IMMP2L: variants seen among roughly 807,000 people sequenced by gnomAD.
The protein encoded by IMMP2L is mitochondrial inner membrane protease subunit 2.
In IMMP2L, 18 loss-of-function variants were observed where a neutral mutation model predicts 19.3. The observed-to-expected ratio is 0.93, with a 90% CI of 0.64 to 1.38. The LOEUF is 1.38. Ranked by LOEUF, IMMP2L falls within the 40% of genes most tolerant of loss-of-function variation. IMMP2L has a pLI of 0.00. For synonymous variants in IMMP2L, 76 were observed against 73.0 expected (o/e 1.04, Z -0.21); for missense variants, 233 against 218.2 (o/e 1.07, Z -0.43).
chr7:111,121,934 T>C (rs1325372455), intron 3 of IMMP2L, among the ~76,000 whole-genome samples: 5 of 152,078 alleles, frequency 3.3e-5, no homozygotes, highest in Non-Finnish European at 5.9e-5. Flanking sequence ...TGTAGGGACA[T>C]GGATGAAGCT....
At chr7:111,147,457 G>A (rs1483092295) in intron 3 of IMMP2L, among the ~76,000 whole-genome samples, 1 of 152,114 alleles carries the variant, frequency 6.6e-6, no homozygotes, top group Non-Finnish European at 1.5e-5. Flanking sequence ...TAAACTGGAA[G>A]GGTTACATCA....
intron 5 of IMMP2L, among the ~76,000 whole-genome samples, chr7:110,682,118 A>G (rs1792764209): frequency 6.6e-6 from 1 of 152,076 alleles, no homozygotes; most frequent in Non-Finnish European, 1.5e-5. Context: ...AATCACTCTT[A>G]TGCCTCCTTG....
chr7:110,757,334 C>G lies in IMMP2L; in HGVS notation c.409-93613G>C, dbSNP rs938088750. On this transcript the variant is annotated intron_variant, in intron 5 of 5. Transcript: ENST00000405709. The surrounding 1 kb of genome is among the most constrained non-coding windows in gnomAD (Gnocchi z 4.2). ...TAGAGCTTAATAATTTTTTAACAAG[C>G]TATTCTGCATTTTCATTTTGCACTG... is the stretch of plus-strand genomic sequence containing the variant. Among the ~76,000 whole-genome samples, 6 of 151,898 alleles carry G rather than the reference C, an allele frequency of 4.0e-5. No individual in the cohort carries two copies. Among genetic ancestry groups the G allele is most frequent in the Non-Finnish European group, 5.9e-5 (4 of 67,976 alleles).
chr7:111,016,515 TATTA>T (rs1450548844), intron 3 of IMMP2L, among the ~76,000 whole-genome samples: 1 of 119,948 alleles, frequency 8.3e-6, no homozygotes, highest in Non-Finnish European at 1.6e-5. Flanking sequence ...ATGTATTTTA[TATTA>T]TATATGTATA....
chr7:111,524,036 G>A (rs1260195542), intron 1 of IMMP2L, among the ~76,000 whole-genome samples: 1 of 151,814 alleles, frequency 6.6e-6, no homozygotes, highest in African/African-American at 2.4e-5. Context: ...CATTTATCAT[G>A]TACTACCTCC....
intron 5 of IMMP2L, among the ~76,000 whole-genome samples, chr7:110,860,968 T>C (rs1399904712): frequency 1.3e-5 from 2 of 149,606 alleles, no homozygotes; most frequent in East Asian, 2.0e-4. Context: ...TATTCAAAAA[T>C]ACTAATGTCA....
At chr7:111,078,763 C>A (rs527293558) in intron 3 of IMMP2L, among the ~76,000 whole-genome samples, 1 of 151,958 alleles carries the variant, frequency 6.6e-6, no homozygotes, top group Non-Finnish European at 1.5e-5. Flanking sequence ...TGGAATCTTG[C>A]TCTGTCACCC....
chr7:110,749,425 A>G (rs1584713535), intron 5 of IMMP2L, among the ~76,000 whole-genome samples: 1 of 152,212 alleles, frequency 6.6e-6, no homozygotes, highest in Middle Eastern at 3.4e-3. Flanking sequence ...AAATCATTAT[A>G]CTATAAAGAC....
chr7:110,699,142 T>C (rs957435), intron 5 of IMMP2L, among the ~76,000 whole-genome samples: 1 of 152,292 alleles, frequency 6.6e-6, no homozygotes, highest in Non-Finnish European at 1.5e-5. Context: ...ATAACTCCTC[T>C]ACCTATTCTT....
chr7:110,822,337 C>T (rs752227060), intron 5 of IMMP2L, among the ~76,000 whole-genome samples: 3 of 152,070 alleles, frequency 2.0e-5, no homozygotes, highest in Admixed American at 6.6e-5. Flanking sequence ...ATAAAAGATC[C>T]TCTGTGATTG....
intron 4 of IMMP2L, among the ~76,000 whole-genome samples, chr7:110,919,844 A>C (rs1814058254): frequency 6.6e-6 from 1 of 152,140 alleles, no homozygotes; most frequent in South Asian, 2.1e-4. Context: ...GAGATTAACA[A>C]TTGAGTCGGT....
intron 4 of IMMP2L, among the ~76,000 whole-genome samples, chr7:110,940,220 G>A (rs1392960267): frequency 6.6e-6 from 1 of 151,754 alleles, no homozygotes; most frequent in East Asian, 1.9e-4. Context: ...TTGGGAGGGT[G>A]AGGCAGGAGA....
intron 5 of IMMP2L, among the ~76,000 whole-genome samples, chr7:110,695,607 A>T (rs546022433): frequency 6.0e-4 from 91 of 152,340 alleles, no homozygotes; most frequent in Middle Eastern, 3.4e-3. Flanking sequence ...TTAAAAAGAT[A>T]GAAGCGGGAG....
chr7:111,113,128 T>A (rs1799440215), intron 3 of IMMP2L, among the ~76,000 whole-genome samples: 1 of 152,190 alleles, frequency 6.6e-6, no homozygotes, highest in South Asian at 2.1e-4. Flanking sequence ...AATATAATTT[T>A]AAGATTTCTG....
At chr7:111,457,379 T>G (rs1839765956) in intron 3 of IMMP2L, among the ~76,000 whole-genome samples, 1 of 149,418 alleles carries the variant, frequency 6.7e-6, no homozygotes, top group South Asian at 2.1e-4. Flanking sequence ...GATTCTGCAG[T>G]GGGCCAAAAA....
At chr7:110,792,275 T>C (rs1800511741) in intron 5 of IMMP2L, among the ~76,000 whole-genome samples, 1 of 151,672 alleles carries the variant, frequency 6.6e-6, no homozygotes, top group Non-Finnish European at 1.5e-5. Context: ...ACTTACCTCC[T>C]AGAGTTAGAA....
intron 3 of IMMP2L, among the ~76,000 whole-genome samples, chr7:111,187,693 T>A (rs1262741465): frequency 6.6e-6 from 1 of 152,144 alleles, no homozygotes; most frequent in African/African-American, 2.4e-5. Flanking sequence ...GCTTATCAGG[T>A]GGCAGGTATT....
Position 111,503,292 on chromosome 7 carries a change from GAAC to G in IMMP2L, c.136-15954_136-15952del, listed in dbSNP as rs1399031245. Among the ~76,000 whole-genome samples, 16 of 152,204 alleles carry G rather than the reference GAAC, an allele frequency of 1.1e-4. No individual in the cohort carries two copies. In the East Asian group the frequency reaches 2.9e-3, roughly 28 times the overall value. ...CAGGAAGAAGCTGAATCTCTGAATA[GAAC>G]AATAAGAGGCTCTGAAATTGTGGCA... On this transcript the variant is annotated intron_variant, in intron 2 of 5. Coordinates refer to ENST00000405709, the MANE Select transcript of IMMP2L (RefSeq NM_032549.4).
intron 4 of IMMP2L, among the ~76,000 whole-genome samples, chr7:110,894,090 C>T (rs911219817): frequency 2.0e-5 from 3 of 152,142 alleles, no homozygotes; most frequent in African/African-American, 4.8e-5. Context: ...GACCACCTGA[C>T]AGGTAAGACA....
Sources: allele counts gnomAD v4.1 joint callset (sites outside exome capture counted in the v4.1 genomes callset), GRCh38; gene constraint gnomAD v4.1.1; non-coding constraint Gnocchi (gnomAD v3.1); transcripts MANE v1.5; gene names NCBI Gene and HGNC (gene_info 2026-07-23, HGNC 2026-07-21).